Variants in RIC8B observed in about 807,000 individuals in gnomAD.
RIC8B encodes RIC8 guanine nucleotide exchange factor B.
A neutral mutation model predicts 57.5 loss-of-function variants in RIC8B; 16 were observed. The ratio of observed to expected loss-of-function variants is 0.28; its 90% CI spans 0.19 to 0.42. RIC8B has a LOEUF of 0.42. RIC8B is among the 10% of genes least tolerant of loss of function. The pLI, the probability that RIC8B is intolerant of heterozygous loss-of-function variation, is 1.00. For missense variants in RIC8B, 481 were observed against 677.0 expected (o/e 0.71, Z 3.21); for synonymous variants, 216 against 250.8 (o/e 0.86, Z 1.31).
At chr12:106,880,096 CTT>C (rs1380641965) in intron 9 of RIC8B, 3 of 341,348 alleles carry the variant, frequency 8.8e-6, no homozygotes, top group Non-Finnish European at 1.2e-5. Context: ...ATCAGTAACT[CTT>C]TATGAAATGG....
At chr12:106,782,619 TTTAA>T (rs1369178884) in intron 1 of RIC8B, among the ~76,000 whole-genome samples, 2 of 152,222 alleles carry the variant, frequency 1.3e-5, no homozygotes, top group Non-Finnish European at 2.9e-5. Context: ...GTTCATTCCT[TTTAA>T]TTGTTTTGCA....
At chr12:106,866,583 G>A (rs753338856) in intron 8 of RIC8B, among the ~76,000 whole-genome samples, 1 of 151,986 alleles carries the variant, frequency 6.6e-6, no homozygotes, top group Non-Finnish European at 1.5e-5. Flanking sequence ...GATCCCTTTC[G>A]TAGGGGTTGC....
chr12:106,789,641 A>G (rs1175335742), intron 2 of RIC8B, among the ~76,000 whole-genome samples: 2 of 152,250 alleles, frequency 1.3e-5, no homozygotes, highest in South Asian at 2.1e-4. Context: ...GTATGGGGGA[A>G]ACCGCCCCCA....
chr12:106,880,563 C>G (rs942790986), intron 9 of RIC8B, among the ~76,000 whole-genome samples: 3 of 152,064 alleles, frequency 2.0e-5, no homozygotes, highest in Non-Finnish European at 2.9e-5. Flanking sequence ...GGAAGAAGCT[C>G]AGTCTATACC....
Position 106,774,782 on chromosome 12 carries a change from G to A in RIC8B, c.37G>A (p.Gly13Ser), listed in dbSNP as rs2043359663. The change falls in exon 1 of 10, where the codon GGC becomes AGC. Residue 13 changes from glycine to serine, a missense_variant. Around this residue, in one of 3 missense-constraint regions of RIC8B, gnomAD observed 421 missense variants for 560.9 expected, o/e 0.75. Transcript: ENST00000392837. ...GCGCGCCCTCTACATCGTCCGGGCC[G>A]GCGAAGCAGGGGCTATCGAGCGGGT... The part of the protein sequence containing the change: ...EERALYIVRA[G>S]EAGAIERVLR... 4 of 1,553,444 alleles carry A rather than the reference G, an allele frequency of 2.6e-6. No homozygotes were observed. The highest frequency in any genetic ancestry group is 3.3e-4 in the Middle Eastern group (2 of 5,996).
At chr12:106,863,781 C>T (rs141463062) in intron 8 of RIC8B, among the ~76,000 whole-genome samples, 19 of 152,134 alleles carry the variant, frequency 1.2e-4, no homozygotes, top group African/African-American at 4.3e-4. Flanking sequence ...GAGTTTTGCT[C>T]CAGTGTTTAT....
At chr12:106,795,075 A>G (rs1044929589) in intron 2 of RIC8B, among the ~76,000 whole-genome samples, 3 of 152,244 alleles carry the variant, frequency 2.0e-5, no homozygotes, top group African/African-American at 7.2e-5. Flanking sequence ...ATCCACAAGA[A>G]CAAATCAAGA....
intron 2 of RIC8B, among the ~76,000 whole-genome samples, chr12:106,807,568 C>G (rs1170917961): frequency 2.0e-5 from 3 of 152,208 alleles, no homozygotes; most frequent in Non-Finnish European, 1.5e-5. Context: ...TATACACTTT[C>G]ATTCTAGTGG....
rs200848248 is a variant in RIC8B at position 106,843,836 on chromosome 12, G to T, written c.1066-16G>T. Reference sequence around the variant, plus strand: ...AACTAACGTATTTCAAAAACATATGGTTTTTTTTTTTATAGGGAAGCAGCT... The same window carrying T: ...AACTAACGTATTTCAAAAACATATGTTTTTTTTTTTTATAGGGAAGCAGCT... On this transcript the variant is annotated splice_polypyrimidine_tract_variant and intron_variant, in intron 5 of 9. Coordinates refer to ENST00000392837, the MANE Select transcript of RIC8B (RefSeq NM_001330145.2). 9.8e-5 allele frequency: 122 copies of T among 1,242,142 alleles called. No individual in the cohort carries two copies. The highest frequency in any genetic ancestry group is 6.4e-4 in the South Asian group (45 of 69,786). 76.9% of individuals were successfully genotyped at this position (1,242,142 alleles called of 1,614,324 possible). A position where few individuals can be genotyped will look rare whatever the true frequency, so the allele number is the denominator to read the frequency against.
chr12:106,788,470 G>A (rs2044132879), intron 2 of RIC8B, among the ~76,000 whole-genome samples: 1 of 152,196 alleles, frequency 6.6e-6, no homozygotes, highest in Non-Finnish European at 1.5e-5. Context: ...CTTCTGCACT[G>A]CCCTAGCAGA....
At chr12:106,838,404 G>A (rs1365498020) in intron 4 of RIC8B, among the ~76,000 whole-genome samples, 1 of 152,064 alleles carries the variant, frequency 6.6e-6, no homozygotes, top group Non-Finnish European at 1.5e-5. Context: ...GCCAGGCATG[G>A]TGACACACCT....
At chr12:106,885,487 A>G (rs1951139647) in intron 9 of RIC8B, among the ~76,000 whole-genome samples, 1 of 152,088 alleles carries the variant, frequency 6.6e-6, no homozygotes. Flanking sequence ...GTGTATGCAT[A>G]TCAAATCAGC....
chr12:106,837,961 C>T (rs2046693585), intron 4 of RIC8B, among the ~76,000 whole-genome samples: 1 of 151,968 alleles, frequency 6.6e-6, no homozygotes, highest in African/African-American at 2.4e-5. Flanking sequence ...CTTTTCGTTG[C>T]CTGAATCATT....
intron 8 of RIC8B, among the ~76,000 whole-genome samples, chr12:106,866,774 ATG>A (rs1950158166): frequency 6.6e-6 from 1 of 152,178 alleles, no homozygotes; most frequent in Non-Finnish European, 1.5e-5. Flanking sequence ...TTTTGAAAAA[ATG>A]GAAGTTCTGT....
intron 3 of RIC8B, among the ~76,000 whole-genome samples, chr12:106,820,360 C>T (rs1171427496): frequency 6.6e-6 from 1 of 152,202 alleles, no homozygotes; most frequent in Non-Finnish European, 1.5e-5. Context: ...CTTATTTCCA[C>T]ATGTGGAATC....
intron 2 of RIC8B, among the ~76,000 whole-genome samples, chr12:106,811,775 A>G (rs184061455): frequency 1.3e-5 from 2 of 152,330 alleles, no homozygotes; most frequent in Admixed American, 1.3e-4. Context: ...GCAGGAAGGT[A>G]TGAAAGGTGT....
chr12:106,815,390 G>T, intron 3 of RIC8B, 86 bp downstream of exon 3: 1 of 1,422,584 alleles, frequency 7.0e-7, no homozygotes. Context: ...AAGAATACAA[G>T]TTGGGAAATG....
chr12:106,822,077 C>CAAAAAAAAAAAAAA (rs67378158), intron 3 of RIC8B, among the ~76,000 whole-genome samples: 28 of 38,032 alleles, frequency 7.4e-4, no homozygotes, highest in African/African-American at 1.2e-3. Context: ...GACTCCATCT[C>CAAAAAAAAAAAAAA]AAAAAAAAAA....
intron 2 of RIC8B, among the ~76,000 whole-genome samples, chr12:106,803,495 A>G (rs1242622400): frequency 6.6e-6 from 1 of 152,136 alleles, no homozygotes; most frequent in African/African-American, 2.4e-5. Context: ...AATGCTTGTA[A>G]TGTGTGTGTA....
Sources: allele counts gnomAD v4.1 joint callset (sites outside exome capture counted in the v4.1 genomes callset), GRCh38; gene constraint gnomAD v4.1.1; regional missense constraint gnomAD v4.1.1; transcripts MANE v1.5; gene names NCBI Gene and HGNC (gene_info 2026-07-23, HGNC 2026-07-21).